The following XRCC2 variants were observed in gnomAD, a reference collection of about 807,000 sequenced individuals.
XRCC2 encodes the protein DNA repair protein XRCC2.
XRCC2 carries 24 observed loss-of-function variants against 27.3 expected under a neutral mutation model. The observed-to-expected ratio is 0.88, with a 90% CI of 0.64 to 1.24. The LOEUF (loss-of-function observed/expected upper bound fraction) is 1.24. XRCC2 is among the 50% of genes most tolerant of loss of function. XRCC2 has a pLI of 0.00. For synonymous variants in XRCC2, 106 were observed against 115.4 expected (o/e 0.92, Z 0.52); for missense variants, 321 against 325.8 (o/e 0.99, Z 0.11).
At chr7:152,663,106 T>C (rs1339548478) in intron 1 of XRCC2, among the ~76,000 whole-genome samples, 2 of 152,046 alleles carry the variant, frequency 1.3e-5, no homozygotes, top group Non-Finnish European at 2.9e-5. Flanking sequence ...ACAGGGTGCT[T>C]AATTAGAGCA....
intron 2 of XRCC2, among the ~76,000 whole-genome samples, chr7:152,659,037 G>C (rs1293340429): frequency 6.6e-6 from 1 of 152,116 alleles, no homozygotes; most frequent in African/African-American, 2.4e-5. Flanking sequence ...ATTGTTTGAG[G>C]AACCTCCATA....
At chr7:152,675,965 C>T in intron 1 of XRCC2, 76 bp downstream of exon 1, 4 of 1,599,692 alleles carry the variant, frequency 2.5e-6, no homozygotes, top group Non-Finnish European at 2.6e-6. Flanking sequence ...TCCCAATCCC[C>T]CGGGTTCCCT....
intron 2 of XRCC2, among the ~76,000 whole-genome samples, chr7:152,656,054 G>A (rs528240625): frequency 4.0e-4 from 61 of 152,202 alleles, no homozygotes; most frequent in Non-Finnish European, 7.5e-4. Context: ...AACAGACACC[G>A]GGGCCTGCTG....
chr7:152,659,767 A>G (rs147394259), intron 2 of XRCC2, among the ~76,000 whole-genome samples: 133 of 151,522 alleles, frequency 8.8e-4, no homozygotes, highest in Non-Finnish European at 1.6e-3. Flanking sequence ...TAGAATTGCC[A>G]TATGACCTAG....
At chr7:152,653,933 C>T (rs183328947) in intron 2 of XRCC2, among the ~76,000 whole-genome samples, 4 of 152,216 alleles carry the variant, frequency 2.6e-5, no homozygotes, top group Admixed American at 6.5e-5. Context: ...CGGTGGCTCA[C>T]GCCTGTAATC....
intron 1 of XRCC2, among the ~76,000 whole-genome samples, chr7:152,672,485 G>C (rs1175612515): frequency 6.6e-6 from 1 of 152,200 alleles, no homozygotes; most frequent in Non-Finnish European, 1.5e-5. Flanking sequence ...TATATGAGCT[G>C]TAAGGGAACT....
At chr7:152,675,851 C>T (rs2098040789) in intron 1 of XRCC2, among the ~76,000 whole-genome samples, 190 bp downstream of exon 1, 1 of 152,092 alleles carries the variant, frequency 6.6e-6, no homozygotes, top group African/African-American at 2.4e-5. Flanking sequence ...TGCCCAGGGG[C>T]GGACCCCTGG....
rs781506113 is a variant in XRCC2 at position 152,649,294 on chromosome 7, C to T, written c.191G>A (p.Arg64Gln). Residue 64 changes from arginine to glutamine, a missense_variant, in exon 3 of 3, where the codon CGA becomes CAA. By Grantham distance (43) the Arg-to-Gln change is conservative. Transcript: ENST00000359321. ...ACCTTCTGATTTGGGAAGTATACAT[C>T]GTGCTGTTAGGTGATAAAGCATTTC... ...KTEMLYHLTA[R>Q]CILPKSEGGL... 15 of 1,613,202 alleles carry T rather than the reference C, an allele frequency of 9.3e-6. No individual in the cohort carries two copies. The highest frequency in any genetic ancestry group is 3.3e-5 in the South Asian group (3 of 90,980).
intron 2 of XRCC2, among the ~76,000 whole-genome samples, chr7:152,654,192 C>T (rs2098029780): frequency 1.5e-5 from 1 of 65,698 alleles, no homozygotes; most frequent in Admixed American, 1.9e-4. Flanking sequence ...AGTGAAACTC[C>T]ATCTCAAAAA....
Position 152,649,389 on chromosome 7 carries a change from C to G in XRCC2, c.122-26G>C, listed in dbSNP as rs145775645. The G allele has an allele frequency of 2.1e-5, 32 of 1,532,354 alleles. No individual in the cohort carries two copies. In the African/African-American group the frequency reaches 3.6e-4, roughly 17 times the overall value. 94.9% of individuals were successfully genotyped at this position (1,532,354 alleles called of 1,614,324 possible). On this transcript the variant is annotated intron_variant, in intron 2 of 2. Transcript: ENST00000359321. The stretch of plus-strand genomic sequence containing the variant: ...CTGTGTAAAATTTAAAAATCTCAGT[C>G]AAAATGCAGTAGCTCAAGGGTAGGT...
At chr7:152,649,478 A>G in intron 2 of XRCC2, 115 bp from the exon 3 acceptor site, 1 of 1,330,552 alleles carries the variant, frequency 7.5e-7, no homozygotes, top group Non-Finnish European at 1.0e-6. Context: ...AAGAAAATCT[A>G]AATTCACTTT....
At chr7:152,663,848 C>G (rs1421800654) in intron 1 of XRCC2, 1 of 152,450 alleles carries the variant, frequency 6.6e-6, no homozygotes, top group East Asian at 1.9e-4. Context: ...CCCTGCCCCC[C>G]CCCCCCAAAA....
intron 2 of XRCC2, among the ~76,000 whole-genome samples, chr7:152,654,435 C>T (rs2098029894): frequency 1.3e-5 from 2 of 152,008 alleles, no homozygotes; most frequent in African/African-American, 4.8e-5. Context: ...AAAAACATTA[C>T]AGGGCAAAAG....
chr7:152,663,396 C>T (rs529949032), intron 1 of XRCC2, among the ~76,000 whole-genome samples: 15 of 136,168 alleles, frequency 1.1e-4, no homozygotes, highest in African/African-American at 3.2e-4. Context: ...TAAATCATGA[C>T]CCTTGAGTAC....
intron 2 of XRCC2, among the ~76,000 whole-genome samples, chr7:152,655,204 T>C (rs1370685236): frequency 6.6e-6 from 1 of 152,140 alleles, no homozygotes; most frequent in African/African-American, 2.4e-5. Context: ...TGTAAGGAGT[T>C]TGGGTAACAG....
intron 2 of XRCC2, among the ~76,000 whole-genome samples, 160 bp downstream of exon 2, chr7:152,660,540 GA>G (rs2116999344): frequency 6.6e-6 from 1 of 152,346 alleles, no homozygotes; most frequent in East Asian, 1.9e-4. Context: ...CACCGATGAG[GA>G]AAGCTTAAAA....
At chr7:152,665,487 CTTTTTTTTTTTT>C (rs66692067) in intron 1 of XRCC2, among the ~76,000 whole-genome samples, 9 of 84,328 alleles carry the variant, frequency 1.1e-4, no homozygotes, top group African/African-American at 1.3e-4. Flanking sequence ...TAAGACAAAC[CTTTTTTTTTTTT>C]TTTTTTTTTT....
chr7:152,663,772 G>A (rs1035302288), intron 1 of XRCC2, among the ~76,000 whole-genome samples: 3 of 152,182 alleles, frequency 2.0e-5, no homozygotes, highest in African/African-American at 4.8e-5. Context: ...CCAGGAGGTC[G>A]AGGCTGCAGT....
chr7:152,657,276 T>C (rs1398796487), intron 2 of XRCC2, among the ~76,000 whole-genome samples: 1 of 151,754 alleles, frequency 6.6e-6, no homozygotes, highest in Non-Finnish European at 1.5e-5. Flanking sequence ...TTTGTATTTG[T>C]AACTGTTTTT....
Sources: allele counts gnomAD v4.1 joint callset (sites outside exome capture counted in the v4.1 genomes callset), GRCh38; gene constraint gnomAD v4.1.1; transcripts MANE v1.5; gene names NCBI Gene and HGNC (gene_info 2026-07-23, HGNC 2026-07-21).